The following GAK variants were observed in gnomAD, a reference collection of about 807,000 sequenced individuals.
The protein encoded by GAK is cyclin-G-associated kinase.
Under a neutral mutation model 143.9 loss-of-function variants are expected in GAK, and 79 were observed. The ratio of observed to expected loss-of-function variants is 0.55; its 90% CI spans 0.46 to 0.66. The LOEUF (loss-of-function observed/expected upper bound fraction) is 0.66. Among genes scored for constraint, GAK ranks in the 30% least tolerant of loss-of-function variants. The probability of loss-of-function intolerance (pLI) is 0.00; values close to 1 mark genes in which losing one functional copy is unlikely to be tolerated. For missense variants in GAK, 1,693 were observed against 1,779.7 expected (o/e 0.95, Z 0.88); for synonymous variants, 881 against 765.5 (o/e 1.15, Z -2.49).
intron 15 of GAK, among the ~76,000 whole-genome samples, chr4:878,168 A>T (rs1393911842): frequency 1.3e-5 from 2 of 152,154 alleles, no homozygotes; most frequent in Non-Finnish European, 2.9e-5. Flanking sequence ...AGGCAGGTGG[A>T]TCACAAGGTC....
chr4:900,172 C>G (rs1194568008), intron 5 of GAK, among the ~76,000 whole-genome samples: 2 of 152,174 alleles, frequency 1.3e-5, no homozygotes, highest in South Asian at 4.1e-4. Context: ...AAGCTGTGCG[C>G]ACAGCAGGAC....
Position 876,543 on chromosome 4 carries a change from C to G in GAK, c.2041G>C (p.Val681Leu), listed in dbSNP as rs1223485999. ...GTACCAACGTACTTGGCAAATTTCA[C>G]AGTGGTGGCGTTCCGAGGCACAAAC... The part of the protein sequence containing the change: ...TGFVPRNATT[V>L]KFAKYDLDAC... Residue 681 changes from valine to leucine, a missense_variant, in exon 18 of 28, where the codon GTG (valine) becomes CTG (leucine). This residue lies in a region of GAK where 871 missense variants were observed against 991.0 expected (regional missense o/e 0.88). Coordinates refer to ENST00000314167, the MANE Select transcript of GAK (RefSeq NM_005255.4). 6.2e-7 allele frequency: 1 copy of G among 1,614,148 alleles called. No homozygotes were observed. Among genetic ancestry groups the G allele is most frequent in the East Asian group, 2.2e-5 (1 of 44,890 alleles).
rs1473856527 is a variant in GAK, at chr4:849,430, G to C, written c.*243C>G. 27 of 556,738 alleles carry C rather than the reference G, an allele frequency of 4.8e-5. No individual in the cohort carries two copies. Among genetic ancestry groups the C allele is most frequent in the Non-Finnish European group, 7.1e-5 (22 of 309,386 alleles). 34.5% of individuals were successfully genotyped at this position (556,738 alleles called of 1,614,324 possible). Reference sequence around the variant, plus strand: ...GAAACACCAAATAAATCACAGACGTGACAATTGCGGGAGGAGCATGAATCA... The same window carrying C: ...GAAACACCAAATAAATCACAGACGTCACAATTGCGGGAGGAGCATGAATCA... On this transcript the variant is annotated 3_prime_UTR_variant, in exon 28 of 28. Transcript: ENST00000314167.
intron 1 of GAK, among the ~76,000 whole-genome samples, chr4:918,008 A>G (rs1344691191): frequency 1.3e-5 from 2 of 152,254 alleles, no homozygotes; most frequent in East Asian, 1.9e-4. Context: ...TGAAGTTAGC[A>G]TAACACTAAC....
rs372104503 is a variant in GAK, at chr4:851,868, T to G, written c.3390A>C (p.Ser1130=). 8.7e-6 allele frequency: 14 copies of G among 1,609,100 alleles called. No individual in the cohort carries two copies. The highest frequency in any genetic ancestry group is 8.0e-5 in the African/African-American group (6 of 74,784). ...GGGGCGGCTTGGCCTGAGGGGGCCA[T>G]GAGGCGCCCTGGGCTGGCGGCCGAC... The part of the protein sequence containing the change: ...QTSRPPAQGA[S]WPPQAKPPPK... Residue 1130 remains serine (S), a synonymous_variant, in exon 25 of 28, where the codon TCA becomes TCC. Coordinates refer to ENST00000314167, the MANE Select transcript of GAK (RefSeq NM_005255.4).
rs375274190 is a variant in GAK, at chr4:914,412, C to T, written c.146-744G>A. Among the ~76,000 whole-genome samples, 44 of 118,214 alleles carry T rather than the reference C, an allele frequency of 3.7e-4. No individual in the cohort carries two copies. In the South Asian group the frequency reaches 0.013, roughly 36 times the overall value. 77.6% of individuals were successfully genotyped at this position (118,214 alleles called of 152,430 possible). A position where few individuals can be genotyped will look rare whatever the true frequency, so the allele number is the denominator to read the frequency against. ...GCATGCACGGCCCCACACACAGAGC[C>T]CCACACACACACAGCCCCAGCGTGC... On this transcript the variant is annotated intron_variant, in intron 1 of 27. Transcript: ENST00000314167.
intron 4 of GAK, 133 bp downstream of exon 4, chr4:911,540 G>A (rs1722047935): frequency 2.0e-5 from 12 of 607,926 alleles, no homozygotes; most frequent in South Asian, 7.5e-5. Context: ...AGCTGCCCGC[G>A]CTTCCCGCTA....
At chr4:872,741 A>G (rs1421869161) in intron 18 of GAK, 1 of 152,486 alleles carries the variant, frequency 6.6e-6, no homozygotes, top group Admixed American at 6.5e-5. Context: ...GGCTCGGCTC[A>G]CCCAGCCTGG....
At chr4:900,577 C>T (rs915392019) in intron 5 of GAK, among the ~76,000 whole-genome samples, 1 of 151,992 alleles carries the variant, frequency 6.6e-6, no homozygotes, top group East Asian at 1.9e-4. Context: ...ATGAGAAAAT[C>T]CACCACTCAG....
In GAK at chr4:875,632, A is replaced by G. The variant is rs1160542231; in HGVS notation, c.2054+898T>C. ...GGGTGCCCCCTCTGACTCCTGGAAC[A>G]ATGTTTGTTCCACTGTGTCTTGGCA... On this transcript the variant is annotated intron_variant, in intron 18 of 27. Coordinates refer to ENST00000314167, the MANE Select transcript of GAK (RefSeq NM_005255.4). Among the ~76,000 whole-genome samples, 5 of 152,244 alleles carry G rather than the reference A, an allele frequency of 3.3e-5. No homozygotes were observed. The South Asian group carries it at 6.2e-4, about 19-fold the overall frequency.
At chr4:856,044 A>G (rs144223416) in intron 24 of GAK, among the ~76,000 whole-genome samples, 374 of 152,324 alleles carry the variant, frequency 2.5e-3, no homozygotes, top group African/African-American at 8.7e-3. Flanking sequence ...CAGTGATGCA[A>G]TAATAGCTCA....
intron 13 of GAK, 105 bp from the exon 14 acceptor site, chr4:882,924 G>C (rs1715456332): frequency 6.9e-7 from 1 of 1,455,512 alleles, no homozygotes; most frequent in East Asian, 2.4e-5. Context: ...TCCGCCAGCT[G>C]GTGTCATGAA....
intron 1 of GAK, among the ~76,000 whole-genome samples, chr4:931,293 C>T (rs1375332468): frequency 1.3e-5 from 2 of 152,220 alleles, no homozygotes. Context: ...TAGGTCACAA[C>T]CACTGGCTCT....
intron 18 of GAK, among the ~76,000 whole-genome samples, chr4:874,536 C>A (rs1007028750): frequency 6.6e-6 from 1 of 152,222 alleles, no homozygotes; most frequent in African/African-American, 2.4e-5. Flanking sequence ...CGCGCCTCAG[C>A]TGCCTTCGGG....
chr4:856,176 G>T (rs1297028674), intron 24 of GAK, among the ~76,000 whole-genome samples: 1 of 135,830 alleles, frequency 7.4e-6, no homozygotes, highest in East Asian at 2.5e-4. Context: ...CACCACAGCT[G>T]CTCACACCTG....
At chr4:919,229 C>T (rs917383560) in intron 1 of GAK, among the ~76,000 whole-genome samples, 1 of 150,972 alleles carries the variant, frequency 6.6e-6, no homozygotes, top group South Asian at 2.1e-4. Context: ...CTCCAAAGGC[C>T]TCAGCGCCCC....
chr4:920,539 A>ATTTTTGTTTTTTTTTTT (rs1723754841), intron 1 of GAK, among the ~76,000 whole-genome samples: 1 of 129,600 alleles, frequency 7.7e-6, no homozygotes, highest in Non-Finnish European at 1.6e-5. Context: ...GTTTAGAGCC[A>ATTTTTGTTTTTTTTTTT]TTTTTTTTTT....
In GAK at chr4:883,301, C is replaced by A; in HGVS notation, c.1404+14G>T. 1 of 1,612,658 alleles carries A rather than the reference C, an allele frequency of 6.2e-7. No individual in the cohort carries two copies. The highest frequency in any genetic ancestry group is 8.5e-7 in the Non-Finnish European group (1 of 1,179,638). ...CTCCAGAGTGGCACCAAGACAAAGC[C>A]TGTGGCCACACACCCGGTTGTGGAA... On this transcript the variant is annotated intron_variant, in intron 13 of 27. Transcript: ENST00000314167.
intron 24 of GAK, 113 bp from the exon 25 acceptor site, chr4:852,087 C>T: frequency 1.1e-6 from 1 of 932,142 alleles, no homozygotes; most frequent in Non-Finnish European, 1.7e-6. Context: ...CAAAATAGAA[C>T]ACCGATCACT....
Sources: allele counts gnomAD v4.1 joint callset (sites outside exome capture counted in the v4.1 genomes callset), GRCh38; gene constraint gnomAD v4.1.1; regional missense constraint gnomAD v4.1.1; transcripts MANE v1.5; gene names NCBI Gene and HGNC (gene_info 2026-07-23, HGNC 2026-07-21).